SDK1: variants seen among roughly 807,000 people sequenced by gnomAD.
SDK1 encodes the protein sidekick cell adhesion molecule 1.
A neutral mutation model predicts 245.5 loss-of-function variants in SDK1; 157 were observed. That is an observed-to-expected ratio of 0.64 (90% confidence interval 0.56 to 0.73). The LOEUF (loss-of-function observed/expected upper bound fraction) is 0.73, where lower values mean the gene tolerates loss of function less well. SDK1 is among the 30% of genes least tolerant of loss of function. The probability of loss-of-function intolerance (pLI) is 0.00; values close to 1 mark genes in which losing one functional copy is unlikely to be tolerated. For missense variants in SDK1, 3,583 were observed against 3,002.3 expected (o/e 1.19, Z -4.52); for synonymous variants, 1,647 against 1,278.5 (o/e 1.29, Z -6.15).
At chr7:4,036,210 A>G (rs1486939829) in intron 17 of SDK1, among the ~76,000 whole-genome samples, 1 of 152,196 alleles carries the variant, frequency 6.6e-6, no homozygotes, top group Non-Finnish European at 1.5e-5. Flanking sequence ...GTTGAGAGCA[A>G]CTTTTTTCTT....
intron 1 of SDK1, among the ~76,000 whole-genome samples, chr7:3,520,063 T>C (rs1423152094): frequency 6.6e-6 from 1 of 152,214 alleles, no homozygotes; most frequent in Admixed American, 6.5e-5. Context: ...GTTGTTCTTA[T>C]TAAAGTTACT....
At chr7:3,811,801 C>A (rs969895588) in intron 4 of SDK1, among the ~76,000 whole-genome samples, 8 of 152,238 alleles carry the variant, frequency 5.3e-5, no homozygotes, top group Non-Finnish European at 8.8e-5. Flanking sequence ...CCTGCAGAAG[C>A]AGCCATTCTG....
intron 5 of SDK1, among the ~76,000 whole-genome samples, chr7:3,828,373 A>C (rs1779829831): frequency 6.6e-6 from 1 of 152,052 alleles, no homozygotes. Flanking sequence ...TTCTATAACA[A>C]AATTTCTTCC....
chr7:3,669,960 G>A (rs1379288320), intron 4 of SDK1, among the ~76,000 whole-genome samples: 2 of 152,132 alleles, frequency 1.3e-5, no homozygotes. Context: ...CAAGAACCAA[G>A]GAATTATCCT....
intron 1 of SDK1, among the ~76,000 whole-genome samples, chr7:3,595,510 A>G (rs989295960): frequency 6.6e-6 from 1 of 152,116 alleles, no homozygotes; most frequent in Non-Finnish European, 1.5e-5. Flanking sequence ...CCTCCGATAT[A>G]TTTAATAAAA....
At chr7:3,672,794 T>TATATATAA (rs1468918926) in intron 4 of SDK1, among the ~76,000 whole-genome samples, 41 of 65,576 alleles carry the variant, frequency 6.3e-4, no homozygotes, top group Admixed American at 2.1e-3. Flanking sequence ...TATATATATA[T>TATATATAA]AAAAAATACA....
At chr7:3,444,244 G>C (rs937771121) in intron 1 of SDK1, among the ~76,000 whole-genome samples, 3 of 151,940 alleles carry the variant, frequency 2.0e-5, no homozygotes, top group African/African-American at 7.3e-5. Context: ...TGGCAGTGTG[G>C]TCTTACAGTA....
At chr7:4,169,027 T>C (rs971963886) in intron 32 of SDK1, among the ~76,000 whole-genome samples, 1 of 152,112 alleles carries the variant, frequency 6.6e-6, no homozygotes, top group African/African-American at 2.4e-5. Flanking sequence ...TGCGCAGGCA[T>C]GTGCTGGGTG....
chr7:3,642,124 T>G lies in SDK1; in HGVS notation c.713+19T>G. ...ACAGAATGTAAGTTGCTCCAAACGT[T>G]AAAGCTTCAAATACAATTGTAATGT... is the stretch of plus-strand genomic sequence containing the variant. On this transcript the variant is annotated intron_variant, in intron 4 of 44. Coordinates refer to ENST00000404826, the MANE Select transcript of SDK1 (RefSeq NM_152744.4). 4 of 1,612,216 alleles carry G rather than the reference T, an allele frequency of 2.5e-6. No homozygotes were observed. Among genetic ancestry groups the G allele is most frequent in the Non-Finnish European group, 2.5e-6 (3 of 1,178,558 alleles).
Position 4,268,472 on chromosome 7 carries a change from TGCTGTA to T in SDK1, c.*3091_*3096del. 8.5e-7 allele frequency: 1 copy of T among 1,173,870 alleles called. No individual in the cohort carries two copies. Among genetic ancestry groups the T allele is most frequent in the South Asian group, 1.6e-5 (1 of 61,952 alleles). 72.7% of individuals were successfully genotyped at this position (1,173,870 alleles called of 1,614,324 possible). A position where few individuals can be genotyped will look rare whatever the true frequency, so the allele number is the denominator to read the frequency against. On this transcript the variant is annotated 3_prime_UTR_variant, in exon 45 of 45. Transcript: ENST00000404826. ...CTTTTATAAGGCGCACTTCACTCAA[TGCTGTA>T]GCCAAAAAACGAGGGGCCCCAGGGA...
chr7:4,064,450 T>G (rs888501437), intron 19 of SDK1, among the ~76,000 whole-genome samples: 1 of 152,198 alleles, frequency 6.6e-6, no homozygotes, highest in Non-Finnish European at 1.5e-5. Context: ...AACAGGGAAC[T>G]CTAATACACT....
chr7:3,663,090 ATAAT>A (rs1239175273), intron 4 of SDK1, among the ~76,000 whole-genome samples: 1 of 152,330 alleles, frequency 6.6e-6, no homozygotes, highest in South Asian at 2.1e-4. Context: ...GAAGGAGTGC[ATAAT>A]TAGATTATTT....
intron 7 of SDK1, chr7:3,952,189 C>CA: frequency 2.1e-6 from 1 of 471,902 alleles, no homozygotes; most frequent in South Asian, 2.4e-5. Flanking sequence ...AGCGGTGAAA[C>CA]CCCTGTCATA....
chr7:3,608,154 C>G (rs1305125251), intron 1 of SDK1, among the ~76,000 whole-genome samples: 4 of 152,212 alleles, frequency 2.6e-5, no homozygotes, highest in African/African-American at 9.7e-5. Context: ...CAAAATCTAG[C>G]TCTCTCAAAA....
At chr7:4,173,474 A>G (rs1047611636) in intron 32 of SDK1, among the ~76,000 whole-genome samples, 3 of 152,232 alleles carry the variant, frequency 2.0e-5, no homozygotes, top group African/African-American at 7.2e-5. Context: ...TTGAGGTCTC[A>G]TAACCCTGTG....
intron 1 of SDK1, among the ~76,000 whole-genome samples, chr7:3,303,069 C>T (rs372621496): frequency 5.9e-5 from 9 of 152,294 alleles, no homozygotes; most frequent in Middle Eastern, 3.4e-3. Context: ...CTCCACCCCC[C>T]TCCAGCTTTC....
chr7:4,184,945 C>T (rs1005155275), intron 35 of SDK1, among the ~76,000 whole-genome samples: 4 of 152,176 alleles, frequency 2.6e-5, no homozygotes, highest in Non-Finnish European at 5.9e-5. Flanking sequence ...GGCCATACAG[C>T]CCTGGGCACA....
At chr7:4,177,822 G>T (rs1049210744) in intron 34 of SDK1, among the ~76,000 whole-genome samples, 5 of 152,196 alleles carry the variant, frequency 3.3e-5, no homozygotes, top group Non-Finnish European at 7.3e-5. Context: ...CGTAGAATCA[G>T]TGGGAGCCCT....
chr7:3,574,400 G>A (rs1458140684), intron 1 of SDK1, among the ~76,000 whole-genome samples: 1 of 152,068 alleles, frequency 6.6e-6, no homozygotes, highest in Non-Finnish European at 1.5e-5. Flanking sequence ...ACAGGCATGA[G>A]CCACCGTGCC....
Sources: allele counts gnomAD v4.1 joint callset (sites outside exome capture counted in the v4.1 genomes callset), GRCh38; gene constraint gnomAD v4.1.1; transcripts MANE v1.5; gene names NCBI Gene and HGNC (gene_info 2026-07-23, HGNC 2026-07-21).